Variants in TRMT11 observed in about 807,000 individuals in gnomAD.
TRMT11 encodes tRNA methyltransferase 11, also known as tRNA (guanine(10)-N(2))-methyltransferase TRMT11.
In TRMT11, 53 loss-of-function variants were observed where a neutral mutation model predicts 62.8. That is an observed-to-expected ratio of 0.84 (90% CI 0.68 to 1.06). TRMT11 has a LOEUF of 1.06. TRMT11 is among the 50% of genes least tolerant of loss of function. TRMT11 has a pLI of 0.00. For synonymous variants in TRMT11, 188 were observed against 190.3 expected, an observed-to-expected ratio of 0.99 and a Z score of 0.10; for missense variants, 556 against 553.4, an observed-to-expected ratio of 1.00 and a Z score of -0.05.
intron 17 of TRMT11, among the ~76,000 whole-genome samples, chr6:126,057,396 T>C (rs1583849830): frequency 6.6e-6 from 1 of 152,354 alleles, no homozygotes; most frequent in East Asian, 1.9e-4. Context: ...CGATGAATTA[T>C]GGTGGGATAT....
intron 12 of TRMT11, among the ~76,000 whole-genome samples, chr6:126,033,252 G>A (rs1466793163): frequency 2.6e-5 from 4 of 152,032 alleles, no homozygotes; most frequent in African/African-American, 9.7e-5. Flanking sequence ...TTTTATATAT[G>A]TATTCTCACA....
chr6:126,112,240 A>G (rs1031149868), intron 17 of TRMT11, among the ~76,000 whole-genome samples: 1 of 152,104 alleles, frequency 6.6e-6, no homozygotes, highest in Admixed American at 6.6e-5. Flanking sequence ...TCAGTGATTC[A>G]CGTCTCTGGA....
At chr6:126,222,862 A>G in the TRMT11 span, among the ~76,000 whole-genome samples, 1 of 151,444 alleles carries the variant, frequency 6.6e-6, no homozygotes, top group Non-Finnish European at 1.5e-5. Context: ...TGATCCTGAC[A>G]TCTTGTTGTT....
upstream of TRMT11, among the ~76,000 whole-genome samples, chr6:126,175,415 C>T (rs1778374789): frequency 6.6e-6 from 1 of 152,072 alleles, no homozygotes; most frequent in Non-Finnish European, 1.5e-5. Flanking sequence ...GCCAAAATAC[C>T]AGAGAGGCTG....
the TRMT11 span, among the ~76,000 whole-genome samples, chr6:126,244,016 G>T: frequency 6.6e-6 from 1 of 152,092 alleles, no homozygotes; most frequent in Non-Finnish European, 1.5e-5. Context: ...CTTTCTACGT[G>T]AGTTTCTGCT....
intron 1 of TRMT11, among the ~76,000 whole-genome samples, chr6:125,993,048 G>C (rs1180725475): frequency 6.6e-6 from 1 of 152,142 alleles, no homozygotes; most frequent in South Asian, 2.1e-4. Flanking sequence ...AAAGGGGATA[G>C]TAGGTAGCCA....
chr6:126,179,170 C>T (rs537505785), intron 1 of TRMT11, among the ~76,000 whole-genome samples: 1 of 152,250 alleles, frequency 6.6e-6, no homozygotes, highest in African/African-American at 2.4e-5. Context: ...GAAATTGTGT[C>T]ACTTCTTGTG....
At chr6:126,266,848 TTA>T in the TRMT11 span, among the ~76,000 whole-genome samples, 1 of 152,172 alleles carries the variant, frequency 6.6e-6, no homozygotes, top group Admixed American at 6.5e-5. Flanking sequence ...CACAGTTTTT[TTA>T]TAGTGTGAGA....
intron 17 of TRMT11, among the ~76,000 whole-genome samples, chr6:126,101,668 C>T (rs564797866): frequency 6.6e-6 from 1 of 152,308 alleles, no homozygotes; most frequent in South Asian, 2.1e-4. Context: ...AGTGAAAATA[C>T]CCTGGAGGCA....
At chr6:126,253,106 A>T in the TRMT11 span, among the ~76,000 whole-genome samples, 1 of 152,134 alleles carries the variant, frequency 6.6e-6, no homozygotes, top group Non-Finnish European at 1.5e-5. Context: ...TAATGAAAAA[A>T]AAAAACAAGT....
the TRMT11 span, among the ~76,000 whole-genome samples, chr6:126,227,866 G>A: frequency 6.6e-6 from 1 of 152,138 alleles, no homozygotes. Context: ...GTGATCCTGG[G>A]GAATGTGGAA....
Position 126,151,863 on chromosome 6 carries a change from T to C in TRMT11, c.*1824-22962T>C, listed in dbSNP as rs557416961. Among the ~76,000 whole-genome samples the C allele has an allele frequency of 3.5e-3, 436 of 126,304 alleles. 6 individuals are homozygous for C. Among genetic ancestry groups the C allele is most frequent in the South Asian group, 6.0e-3 (24 of 4,006 alleles). The allele number at this position is 126,304 out of a possible 152,430, so 82.9% of individuals were successfully genotyped here. ...CTTTCTTTCTTTCTTTCTTTCTTTC[T>C]TTCCTTCTTTCTCCTTCCTTCCTTG... On this transcript the variant is annotated intron_variant and NMD_transcript_variant, in intron 21 of 22. Transcript: ENST00000648977.
chr6:126,185,700 C>T (rs1778518965), intron 1 of TRMT11, among the ~76,000 whole-genome samples: 1 of 151,994 alleles, frequency 6.6e-6, no homozygotes, highest in South Asian at 2.1e-4. Context: ...TCCTTTGCTG[C>T]TATGAAGAAA....
At chr6:126,060,890 G>A (rs1225003488) in intron 17 of TRMT11, among the ~76,000 whole-genome samples, 1 of 152,224 alleles carries the variant, frequency 6.6e-6, no homozygotes, top group East Asian at 1.9e-4. Flanking sequence ...CATTGTTTAT[G>A]TAGTTTCTGT....
At chr6:126,213,969 T>G in the TRMT11 span, among the ~76,000 whole-genome samples, 1 of 152,080 alleles carries the variant, frequency 6.6e-6, no homozygotes, top group Non-Finnish European at 1.5e-5. Flanking sequence ...TTAAATTTTA[T>G]CAAATGCTTC....
At chr6:126,021,360 G>C in intron 12 of TRMT11, 80 bp downstream of exon 12, 1 of 1,478,614 alleles carries the variant, frequency 6.8e-7, no homozygotes, top group Non-Finnish European at 9.3e-7. Context: ...CTGTGATAGA[G>C]TTTGGAAATG....
chr6:126,043,722 C>G (rs1775955416), downstream of TRMT11, among the ~76,000 whole-genome samples: 1 of 150,908 alleles, frequency 6.6e-6, no homozygotes, highest in African/African-American at 2.4e-5. Context: ...CCTGTTGTTT[C>G]CTGACTTTTT....
At chr6:126,109,502 A>G (rs1361904276) in intron 17 of TRMT11, among the ~76,000 whole-genome samples, 1 of 152,208 alleles carries the variant, frequency 6.6e-6, no homozygotes. Flanking sequence ...GCATCATACC[A>G]GGATGCACCT....
At chr6:126,157,255 A>G (rs1014894175) in intron 21 of TRMT11, among the ~76,000 whole-genome samples, 3 of 152,114 alleles carry the variant, frequency 2.0e-5, no homozygotes, top group Non-Finnish European at 2.9e-5. Context: ...TTCAGTTCTT[A>G]TCTTCTAGAA....
Sources: allele counts gnomAD v4.1 joint callset (sites outside exome capture counted in the v4.1 genomes callset), GRCh38; gene constraint gnomAD v4.1.1; transcripts MANE v1.5; gene names NCBI Gene and HGNC (gene_info 2026-07-23, HGNC 2026-07-21).